PMM1: variants seen among roughly 807,000 people sequenced by gnomAD.
PMM1 encodes the protein phosphomannomutase 1, also known as brain glucose-1,6-bisphosphatase.
A neutral mutation model predicts 34.0 loss-of-function variants in PMM1; 25 were observed. That is an observed-to-expected ratio of 0.73 (90% CI 0.54 to 1.03). The LOEUF (loss-of-function observed/expected upper bound fraction) is 1.03. Among genes scored for constraint, PMM1 ranks in the 50% least tolerant of loss-of-function variants. The pLI is 0.00. For missense variants in PMM1, 321 were observed against 350.1 expected (o/e 0.92, Z 0.66); for synonymous variants, 134 against 143.9 (o/e 0.93, Z 0.49).
chr22:41,584,487 A>C (rs771707048), intron 3 of PMM1, 40 bp downstream of exon 3: 12 of 1,588,998 alleles, frequency 7.6e-6, no homozygotes, highest in Non-Finnish European at 1.0e-5. Flanking sequence ...CCACTATGGA[A>C]AAGTGGGGTG....
chr22:41,577,316 G>A lies in PMM1; in HGVS notation c.*2C>T, dbSNP rs768561109. On this transcript the variant is annotated 3_prime_UTR_variant, in exon 8 of 8. Coordinates refer to ENST00000216259, the MANE Select transcript of PMM1 (RefSeq NM_002676.3). ...GTCACGACACACAGATGTGGGCCCC[G>A]GTCACGCCTCATGAGCTGTCTCTGG... 1.1e-5 allele frequency: 18 copies of A among 1,612,752 alleles called. No individual in the cohort carries two copies. The highest frequency in any genetic ancestry group is 8.3e-5 in the Admixed American group (5 of 60,000).
Position 41,584,290 on chromosome 22 carries a change from G to C in PMM1, c.365C>G (p.Pro122Arg), listed in dbSNP as rs758835689. The C allele has an allele frequency of 1.9e-6, 3 of 1,613,950 alleles. No homozygotes were observed. The highest frequency in any genetic ancestry group is 2.5e-6 in the Non-Finnish European group (3 of 1,179,848). ...GCTGGTGGGACCTCACCGCTTCTTG[G>C]GCAGCCTGAGCAGGGCCATGTAGCT... ...CLSYMALLRL[P>R]KKRGTFIEFR... Residue 122 changes from proline (P) to arginine (R), a missense_variant, in exon 4 of 8, where the codon CCC (proline) becomes CGC (arginine). By Grantham distance (103) the Pro-to-Arg change is moderately radical. Transcript: ENST00000216259.
chr22:41,579,035 G>C, intron 5 of PMM1, 154 bp from the exon 6 acceptor site: 1 of 641,980 alleles, frequency 1.6e-6, no homozygotes, highest in South Asian at 1.8e-5. Flanking sequence ...GAGGGGTTGT[G>C]CCTTGGTCAA....
intron 5 of PMM1, among the ~76,000 whole-genome samples, chr22:41,582,589 A>G (rs923328333): frequency 2.0e-5 from 3 of 152,166 alleles, no homozygotes; most frequent in African/African-American, 7.2e-5. Context: ...TCGGATTTTA[A>G]AAGTAGATGA....
At chr22:41,589,431 G>A (rs1333410326) in intron 1 of PMM1, 4 of 534,884 alleles carry the variant, frequency 7.5e-6, no homozygotes, top group Admixed American at 3.2e-5. Context: ...GACAGCCTCC[G>A]GGGAGGGAGG....
chr22:41,577,788 C>G lies in PMM1; in HGVS notation c.666+20G>C, dbSNP rs748371881. On this transcript the variant is annotated intron_variant, in intron 7 of 7. Coordinates refer to ENST00000216259, the MANE Select transcript of PMM1 (RefSeq NM_002676.3). ...CACTGTCCACTGCGTTAGGGGAAAC[C>G]TGGGGTGGGCCACACTCACAGGGCT... is the stretch of plus-strand genomic sequence containing the variant. 24 of 1,583,234 alleles carry G rather than the reference C, an allele frequency of 1.5e-5. No individual in the cohort carries two copies. The highest frequency in any genetic ancestry group is 2.1e-5 in the Non-Finnish European group (24 of 1,152,656).
chr22:41,577,959 G>A, intron 6 of PMM1, 36 bp from the exon 7 acceptor site: 2 of 1,488,286 alleles, frequency 1.3e-6, no homozygotes, highest in Non-Finnish European at 1.9e-6. Context: ...TTCCCTGCTG[G>A]GAGGGGCAGA....
chr22:41,586,217 A>G (rs1281421416), intron 1 of PMM1, 24 bp from the exon 2 acceptor site: 2 of 1,602,584 alleles, frequency 1.2e-6, no homozygotes, highest in Non-Finnish European at 1.7e-6. Flanking sequence ...GGGGAAGCAT[A>G]GCATTCTGGC....
At chr22:41,589,315 G>C (rs1012855303) in intron 1 of PMM1, 18 of 432,500 alleles carry the variant, frequency 4.2e-5, no homozygotes, top group Admixed American at 1.7e-4. Flanking sequence ...CTGGAACCCC[G>C]GTTCAGAAGC....
At chr22:41,581,113 CAAAAAAA>C (rs933737603) in intron 5 of PMM1, among the ~76,000 whole-genome samples, 1 of 42,490 alleles carries the variant, frequency 2.4e-5, no homozygotes, top group African/African-American at 9.2e-5. Flanking sequence ...GACTCCATCT[CAAAAAAA>C]AAAAAAAAAA....
chr22:41,582,323 G>C (rs1273405071), intron 5 of PMM1, among the ~76,000 whole-genome samples: 3 of 152,058 alleles, frequency 2.0e-5, no homozygotes, highest in Non-Finnish European at 4.4e-5. Flanking sequence ...GCCTGGCATG[G>C]TGTAATGCAC....
intron 1 of PMM1, chr22:41,589,337 A>C: frequency 2.3e-6 from 1 of 432,228 alleles, no homozygotes; most frequent in South Asian, 1.9e-5. Context: ...AGCTCCGACC[A>C]CTGGTGTGTC....
chr22:41,589,795 G>T lies in PMM1; in HGVS notation c.11C>A (p.Thr4Asn). Reference sequence around the variant, plus strand: ...CTCCTTCCTGCGGGCTGCCTGGGCGGTGACTGCCATGGCTGCAGGTCCGCG... The same window carrying T: ...CTCCTTCCTGCGGGCTGCCTGGGCGTTGACTGCCATGGCTGCAGGTCCGCG... MAV[T>N]AQAARRKERV... Residue 4 changes from threonine (T) to asparagine (N), a missense_variant, in exon 1 of 8, where the codon ACC becomes AAC. Coordinates refer to ENST00000216259, the MANE Select transcript of PMM1 (RefSeq NM_002676.3). 6.2e-7 allele frequency: 1 copy of T among 1,607,396 alleles called. No homozygotes were observed.
Position 41,586,189 on chromosome 22 carries a change from A to G in PMM1, c.92T>C (p.Ile31Thr), listed in dbSNP as rs1181561842. The G allele has an allele frequency of 1.2e-6, 2 of 1,608,666 alleles. No individual in the cohort carries two copies. Among genetic ancestry groups the G allele is most frequent in the Admixed American group, 3.3e-5 (2 of 59,886 alleles). ...DGTLTPARQKIDPEVAAFLQK... is the reference protein window; with the variant it reads ...DGTLTPARQKTDPEVAAFLQK... ...CAGGAAGGCGGCCACCTCAGGGTCA[A>G]TTTTCTATGGGGGGAGAGGGGAAGC... is the stretch of plus-strand genomic sequence containing the variant. Residue 31 changes from isoleucine to threonine, a missense_variant, in exon 2 of 8, where the codon ATT becomes ACT. Transcript: ENST00000216259.
chr22:41,584,348 C>A lies in PMM1; in HGVS notation c.307G>T (p.Glu103Ter), dbSNP rs1390843090. 3.1e-6 allele frequency: 5 copies of A among 1,614,030 alleles called. No homozygotes were observed. The highest frequency in any genetic ancestry group is 1.3e-5 in the African/African-American group (1 of 74,920). The change falls in exon 4 of 8, where the codon GAG becomes TAG. Residue 103 changes from glutamate (E) to a stop codon, truncating the protein, a stop_gained. Transcript: ENST00000216259. LOFTEE classifies it high-confidence loss of function. ...AAGTTGATCAAGTCCTGCAGCAGCT[C>A]CTCCCCCAGGTGGTTCTGGATGGTC... ...KQTIQNHLGE[E>*]LLQDLINFCL...
At chr22:41,588,254 C>T (rs1601498639) in intron 1 of PMM1, among the ~76,000 whole-genome samples, 2 of 151,750 alleles carry the variant, frequency 1.3e-5, no homozygotes, top group Middle Eastern at 3.4e-3. Context: ...GAGTCTCCCT[C>T]TGTCGCCCAG....
intron 2 of PMM1, 34 bp from the exon 3 acceptor site, chr22:41,584,637 G>A: frequency 6.5e-7 from 1 of 1,539,540 alleles, no homozygotes. Context: ...GAGGAAGAAA[G>A]AGTGTGAGAC....
At chr22:41,581,144 C>CAAACCAAAACCA (rs377451843) in intron 5 of PMM1, among the ~76,000 whole-genome samples, 1 of 147,264 alleles carries the variant, frequency 6.8e-6, no homozygotes, top group African/African-American at 2.5e-5. Context: ...AACCCAAAAC[C>CAAACCAAAACCA]AAACCAAAAC....
rs1602006959 is a variant in PMM1 at position 41,578,742 on chromosome 22, G to C, written c.550+64C>G. The C allele has an allele frequency of 2.2e-6, 3 of 1,372,404 alleles. No homozygotes were observed. In the East Asian group the frequency reaches 6.9e-5, roughly 32 times the overall value. The allele number at this position is 1,372,404 out of a possible 1,614,324, so 85.0% of individuals were successfully genotyped here. ...GGGGGCCACAGCCTGGTCTTGGCAG[G>C]GGCAGATGGTTTGAGGAGGGGCCCT... On this transcript the variant is annotated intron_variant, in intron 6 of 7. Transcript: ENST00000216259.
Sources: allele counts gnomAD v4.1 joint callset (sites outside exome capture counted in the v4.1 genomes callset), GRCh38; gene constraint gnomAD v4.1.1; transcripts MANE v1.5; gene names NCBI Gene and HGNC (gene_info 2026-07-23, HGNC 2026-07-21).